RFX3: variants seen among roughly 807,000 people sequenced by gnomAD.
RFX3 encodes the protein regulatory factor X3.
In RFX3, 14 loss-of-function variants were observed where a neutral mutation model predicts 98.6. The observed-to-expected ratio is 0.14, with a 90% confidence interval of 0.09 to 0.22. The LOEUF (loss-of-function observed/expected upper bound fraction) is 0.22, where lower values mean the gene tolerates loss of function less well. Ranked by LOEUF, RFX3 falls within the 10% of genes least tolerant of loss-of-function variation. The pLI is 1.00. For synonymous variants in RFX3, 383 were observed against 328.4 expected, an observed-to-expected ratio of 1.17 and a Z score of -1.80; for missense variants, 639 against 926.9, an observed-to-expected ratio of 0.69 and a Z score of 4.03.
intron 1 of RFX3, chr9:3,488,973 A>T (rs1362695317): frequency 1.4e-6 from 1 of 724,418 alleles, no homozygotes; most frequent in Non-Finnish European, 1.7e-6. Context: ...CTATTTCATC[A>T]TCACATCTTT....
chr9:3,443,449 T>G (rs1845773378), intron 1 of RFX3, among the ~76,000 whole-genome samples: 1 of 152,166 alleles, frequency 6.6e-6, no homozygotes, highest in Non-Finnish European at 1.5e-5. Context: ...AGGGAAAAGA[T>G]GTGGTGTTTG....
chr9:3,218,751 A>T lies in RFX3; in HGVS notation c.*6291T>A, dbSNP rs1444447767. On this transcript the variant is annotated 3_prime_UTR_variant, in exon 17 of 17. Coordinates refer to ENST00000617270, the MANE Select transcript of RFX3 (RefSeq NM_001282116.2). ...GAACATTACATTATCTCACACATAC[A>T]ATCTCTACAAAAGTTGCTTACCTCA... The T allele has an allele frequency of 1.3e-5, 2 of 152,168 alleles. No homozygotes were observed. Among genetic ancestry groups the T allele is most frequent in the African/African-American group, 4.8e-5 (2 of 41,448 alleles). The allele number at this position is 152,168 out of a possible 1,614,324, so 9.4% of individuals were successfully genotyped here.
chr9:3,391,267 T>A (rs1218847647), intron 2 of RFX3, among the ~76,000 whole-genome samples: 1 of 152,076 alleles, frequency 6.6e-6, no homozygotes. Context: ...ACAATTTATA[T>A]CCACGGGGAC....
At chr9:3,238,756 G>A (rs1385158114) in intron 15 of RFX3, among the ~76,000 whole-genome samples, 1 of 152,160 alleles carries the variant, frequency 6.6e-6, no homozygotes, top group Non-Finnish European at 1.5e-5. Flanking sequence ...ATCAGTCCGA[G>A]GCAGGCGGAT....
At chr9:3,522,670 C>T (rs1564203347) in intron 1 of RFX3, among the ~76,000 whole-genome samples, 1 of 151,176 alleles carries the variant, frequency 6.6e-6, no homozygotes, top group East Asian at 1.9e-4. Flanking sequence ...AATCTGAAAA[C>T]CAAAAATCAT....
At chr9:3,235,216 G>A (rs953754254) in intron 15 of RFX3, among the ~76,000 whole-genome samples, 5 of 152,242 alleles carry the variant, frequency 3.3e-5, no homozygotes, top group African/African-American at 1.2e-4. Context: ...TTGGGTGGCA[G>A]GTGAAGACGT....
intron 2 of RFX3, among the ~76,000 whole-genome samples, chr9:3,382,381 G>C (rs926475056): frequency 6.6e-6 from 1 of 151,980 alleles, no homozygotes; most frequent in Non-Finnish European, 1.5e-5. Context: ...ATATGAATTT[G>C]GGTGAGTTTA....
At chr9:3,453,466 T>G (rs893519469) in intron 1 of RFX3, 1 of 151,812 alleles carries the variant, frequency 6.6e-6, no homozygotes, top group African/African-American at 2.4e-5. Flanking sequence ...TGTCAGCACT[T>G]TGGGAGGCCA....
At chr9:3,493,700 A>AAAAAAATATAT (rs398010211) in intron 1 of RFX3, among the ~76,000 whole-genome samples, 1 of 71,814 alleles carries the variant, frequency 1.4e-5, no homozygotes, top group African/African-American at 5.9e-5. Flanking sequence ...AAAAAAAAAA[A>AAAAAAATATAT]ATATATATAT....
chr9:3,280,629 T>A (rs1825809051), intron 7 of RFX3, among the ~76,000 whole-genome samples: 1 of 151,826 alleles, frequency 6.6e-6, no homozygotes. Context: ...CAACTGATTC[T>A]TCTTGGAAAC....
At chr9:3,491,714 T>G (rs1850732668) in intron 1 of RFX3, among the ~76,000 whole-genome samples, 1 of 152,182 alleles carries the variant, frequency 6.6e-6, no homozygotes, top group Non-Finnish European at 1.5e-5. Flanking sequence ...TAGGATCTCT[T>G]TGTTTTTTAT....
chr9:3,375,159 AAAT>A (rs1225880955), intron 2 of RFX3, among the ~76,000 whole-genome samples: 2 of 152,228 alleles, frequency 1.3e-5, no homozygotes, highest in Admixed American at 1.3e-4. Context: ...TCTTATGGTC[AAAT>A]ACAAAATTCT....
rs546212881 is a variant in RFX3 at position 3,469,817 on chromosome 9, G to A, written c.-9+55930C>T. ...GCTGAGATCGCGCCACTGCACTCCAGCCTGGGTGACAGAGCGTGACTCCGT... is the reference window on the plus strand; with the variant it reads ...GCTGAGATCGCGCCACTGCACTCCAACCTGGGTGACAGAGCGTGACTCCGT... On this transcript the variant is annotated intron_variant, in intron 1 of 16. Coordinates refer to ENST00000617270, the MANE Select transcript of RFX3 (RefSeq NM_001282116.2). Among the ~76,000 whole-genome samples, 3 of 150,380 alleles carry A rather than the reference G, an allele frequency of 2.0e-5. No homozygotes were observed. In the East Asian group the frequency reaches 5.9e-4, roughly 30 times the overall value.
At chr9:3,233,716 T>G (rs1037350265) in intron 15 of RFX3, among the ~76,000 whole-genome samples, 1 of 152,238 alleles carries the variant, frequency 6.6e-6, no homozygotes, top group Admixed American at 6.5e-5. Context: ...ATTAATTCTT[T>G]GTAAGCACAG....
At chr9:3,331,369 T>C (rs1045795866) in intron 3 of RFX3, among the ~76,000 whole-genome samples, 1 of 152,206 alleles carries the variant, frequency 6.6e-6, no homozygotes, top group Non-Finnish European at 1.5e-5. Flanking sequence ...TTCAATTGAC[T>C]ATAACTTCAA....
rs574669644 is a variant in RFX3 at position 3,433,911 on chromosome 9, G to C, written c.-8-38315C>G. ...AGATAATATGTAAACAAATGGGCATGGCTGTCCCAATAAAACATTATTTAC... is the reference window on the plus strand; with the variant it reads ...AGATAATATGTAAACAAATGGGCATCGCTGTCCCAATAAAACATTATTTAC... On this transcript the variant is annotated intron_variant, in intron 1 of 16. Coordinates refer to ENST00000617270, the MANE Select transcript of RFX3 (RefSeq NM_001282116.2). Among the ~76,000 whole-genome samples the C allele has an allele frequency of 1.1e-3, 165 of 152,236 alleles. 1 individual carries two copies. Among genetic ancestry groups the C allele is most frequent in the African/African-American group, 3.9e-3 (162 of 41,556 alleles).
chr9:3,288,101 G>A, intron 7 of RFX3, 30 bp downstream of exon 7: 2 of 1,610,446 alleles, frequency 1.2e-6, no homozygotes, highest in Non-Finnish European at 1.7e-6. Context: ...TACATAGCTT[G>A]GACACATCAA....
intron 1 of RFX3, among the ~76,000 whole-genome samples, chr9:3,516,603 CT>C: frequency 6.6e-6 from 1 of 152,236 alleles, no homozygotes; most frequent in East Asian, 1.9e-4. Context: ...TTTAGCTCTT[CT>C]TAAAAACCAG....
chr9:3,495,289 T>A (rs1447785384), intron 1 of RFX3, among the ~76,000 whole-genome samples: 4 of 152,018 alleles, frequency 2.6e-5, no homozygotes, highest in African/African-American at 9.7e-5. Flanking sequence ...AGACATAATA[T>A]GCAATTAAGC....
Sources: gnomAD v4.1 joint callset for allele counts (sites outside exome capture counted in the v4.1 genomes callset) on GRCh38, gnomAD v4.1.1 for gene constraint, MANE v1.5 for transcripts, NCBI Gene and HGNC (gene_info 2026-07-23, HGNC 2026-07-21) for gene names.